Variants in AKAP6 observed in about 807,000 individuals in gnomAD.
The protein encoded by AKAP6 is A-kinase anchoring protein 6.
Under a neutral mutation model 188.5 loss-of-function variants are expected in AKAP6, and 58 were observed. The observed-to-expected ratio is 0.31, with a 90% CI of 0.25 to 0.38. The LOEUF (loss-of-function observed/expected upper bound fraction) is 0.38. Among genes scored for constraint, AKAP6 ranks in the 10% least tolerant of loss-of-function variants. The probability of loss-of-function intolerance (pLI) is 1.00; values close to 1 mark genes in which losing one functional copy is unlikely to be tolerated. For synonymous variants in AKAP6, 989 were observed against 998.6 expected (o/e 0.99, Z 0.18); for missense variants, 2,710 against 2,740.0 (o/e 0.99, Z 0.24).
In AKAP6 at chr14:32,824,111, C is replaced by T. The variant is rs777205056; in HGVS notation, c.6298C>T (p.Arg2100Trp). 5.3e-5 allele frequency: 85 copies of T among 1,613,802 alleles called. 1 individual carries two copies. The highest frequency in any genetic ancestry group is 3.2e-4 in the South Asian group (29 of 91,088). ...IKEKVLEHSH[R>W]PIQLRKGDFY... ...GGAGAAAGTGTTGGAGCATTCTCAC[C>T]GGCCCATCCAGCTGAGAAAAGGGGA... is the stretch of plus-strand genomic sequence containing the variant. The change falls in exon 13 of 14, where the codon CGG becomes TGG. Residue 2100 changes from arginine (R) to tryptophan (W), a missense_variant. Arg to Trp is a moderately radical substitution (Grantham distance 101). Coordinates refer to ENST00000280979, the MANE Select transcript of AKAP6 (RefSeq NM_004274.5).
intron 7 of AKAP6, among the ~76,000 whole-genome samples, chr14:32,609,706 A>G (rs894535307): frequency 2.0e-5 from 3 of 152,116 alleles, no homozygotes; most frequent in Admixed American, 6.6e-5. Flanking sequence ...GAAAGAAGAG[A>G]GTGAAGGAAC....
At chr14:32,702,461 G>T (rs1428222058) in intron 9 of AKAP6, among the ~76,000 whole-genome samples, 2 of 151,216 alleles carry the variant, frequency 1.3e-5, no homozygotes, top group East Asian at 1.9e-4. Context: ...AATGTTTAGG[G>T]GAAGAAAAAG....
chr14:32,464,989 A>G (rs979859445), intron 2 of AKAP6, among the ~76,000 whole-genome samples: 8 of 152,348 alleles, frequency 5.3e-5, no homozygotes, highest in Middle Eastern at 3.4e-3. Context: ...CCCATTCACA[A>G]CTGCTACAAA....
chr14:32,399,783 T>G (rs28547895), intron 1 of AKAP6, among the ~76,000 whole-genome samples: 17,145 of 152,146 alleles, frequency 0.11, 1,410 homozygotes, highest in South Asian at 0.23. Flanking sequence ...TTTCTCTCGT[T>G]TTTAATTCCC....
At chr14:32,565,077 A>G (rs1884127080) in intron 4 of AKAP6, among the ~76,000 whole-genome samples, 2 of 152,172 alleles carry the variant, frequency 1.3e-5, no homozygotes, top group African/African-American at 2.4e-5. Context: ...TGTAGATGAC[A>G]CAGGTGGATC....
rs141435063 is a variant in AKAP6 at position 32,528,401 on chromosome 14, G to A, written c.325-7153G>A. 8.6e-4 allele frequency among the ~76,000 whole-genome samples: 131 copies of A among 151,986 alleles called. 1 individual carries two copies. The East Asian group carries it at 0.019, about 22-fold the overall frequency. On this transcript the variant is annotated intron_variant, in intron 2 of 13. Transcript: ENST00000280979. The stretch of plus-strand genomic sequence containing the variant: ...TTATTATTATTATTTGCTTGTAGAT[G>A]TCCAGTTCCAGCACCGTTTGTTGAA...
At chr14:32,499,876 T>C (rs1458504612) in intron 2 of AKAP6, among the ~76,000 whole-genome samples, 1 of 152,034 alleles carries the variant, frequency 6.6e-6, no homozygotes, top group Non-Finnish European at 1.5e-5. Context: ...TGAATACTCA[T>C]TCATACCAAA....
chr14:32,486,935 A>G (rs1231603625), intron 2 of AKAP6, among the ~76,000 whole-genome samples: 2 of 152,194 alleles, frequency 1.3e-5, no homozygotes, highest in Non-Finnish European at 2.9e-5. Context: ...CCCATTCGGT[A>G]TGATATTGGC....
At chr14:32,513,232 GCAAT>G (rs952291784) in intron 2 of AKAP6, among the ~76,000 whole-genome samples, 3 of 152,130 alleles carry the variant, frequency 2.0e-5, no homozygotes, top group Non-Finnish European at 4.4e-5. Context: ...CCAGGGCAAA[GCAAT>G]CAATCAAATT....
chr14:32,726,096 G>A (rs1402628563), intron 9 of AKAP6: 1 of 792,050 alleles, frequency 1.3e-6, no homozygotes, highest in African/African-American at 1.9e-5. Context: ...CCAACGACCA[G>A]ATTAAGGTTT....
intron 2 of AKAP6, among the ~76,000 whole-genome samples, chr14:32,514,437 A>G (rs1265504983): frequency 6.6e-6 from 1 of 152,218 alleles, no homozygotes; most frequent in African/African-American, 2.4e-5. Flanking sequence ...ATCTAAATAG[A>G]TAAAAAGTAC....
intron 7 of AKAP6, among the ~76,000 whole-genome samples, chr14:32,634,833 G>A (rs17099383): frequency 0.015 from 2,325 of 152,046 alleles, 69 homozygotes; most frequent in African/African-American, 0.051. Context: ...TTGGTGTTAA[G>A]ATAAAAACAT....
intron 7 of AKAP6, among the ~76,000 whole-genome samples, chr14:32,604,334 C>T (rs1238793869): frequency 6.6e-6 from 1 of 152,074 alleles, no homozygotes; most frequent in African/African-American, 2.4e-5. Context: ...CAGCAAAACC[C>T]CAGGCCTCTA....
intron 7 of AKAP6, among the ~76,000 whole-genome samples, chr14:32,614,742 A>C (rs2139395227): frequency 6.6e-6 from 1 of 152,216 alleles, no homozygotes; most frequent in East Asian, 1.9e-4. Flanking sequence ...CCTATTCCCC[A>C]GCCCAGCCAG....
intron 1 of AKAP6, among the ~76,000 whole-genome samples, chr14:32,423,655 G>C (rs1471314846): frequency 6.6e-6 from 1 of 152,044 alleles, no homozygotes; most frequent in Non-Finnish European, 1.5e-5. Flanking sequence ...TACATATTGA[G>C]GTCACAACAT....
rs144410739 is a variant in AKAP6 at position 32,645,507 on chromosome 14, C to T, written c.2731-32804C>T. ...TTGTTGCCCTAGCTGGACTTGAACT[C>T]CTGGGCTCACGTGATCCTCCTTCCT... On this transcript the variant is annotated intron_variant, in intron 7 of 13. Coordinates refer to ENST00000280979, the MANE Select transcript of AKAP6 (RefSeq NM_004274.5). Among the ~76,000 whole-genome samples the T allele has an allele frequency of 5.1e-3, 779 of 152,266 alleles. 9 individuals carry two copies. Among genetic ancestry groups the T allele is most frequent in the African/African-American group, 0.017 (724 of 41,550 alleles).
In AKAP6 at chr14:32,525,139, C is replaced by T. The variant is rs145784243; in HGVS notation, c.325-10415C>T. On this transcript the variant is annotated intron_variant, in intron 2 of 13. Transcript: ENST00000280979. ...TAGTGAATGAACTCAGATTTTGATC[C>T]TGCATTGTGTCATGTAGAATACTGA... is the stretch of plus-strand genomic sequence containing the variant. Among the ~76,000 whole-genome samples the T allele has an allele frequency of 9.4e-4, 143 of 152,236 alleles. 2 individuals carry two copies. Among genetic ancestry groups the T allele is most frequent in the African/African-American group, 3.4e-3 (142 of 41,550 alleles).
chr14:32,480,124 A>G (rs4981971), intron 2 of AKAP6, among the ~76,000 whole-genome samples: 43,538 of 152,012 alleles, frequency 0.29, 7,298 homozygotes, highest in South Asian at 0.45. Context: ...TCTGTCTTTG[A>G]GGTATTTTGC....
chr14:32,699,370 G>T (rs907116016), intron 9 of AKAP6, among the ~76,000 whole-genome samples: 2 of 152,042 alleles, frequency 1.3e-5, no homozygotes, highest in African/African-American at 4.8e-5. Flanking sequence ...ACAAATAATT[G>T]GATTTAATGG....
Sources: allele counts gnomAD v4.1 joint callset (sites outside exome capture counted in the v4.1 genomes callset), GRCh38; gene constraint gnomAD v4.1.1; transcripts MANE v1.5; gene names NCBI Gene and HGNC (gene_info 2026-07-23, HGNC 2026-07-21).